Variants in MCM6 observed in about 807,000 individuals in gnomAD.
The protein encoded by MCM6 is DNA replication licensing factor MCM6.
In MCM6, 46 loss-of-function variants were observed where a neutral mutation model predicts 94.3. That is an observed-to-expected ratio of 0.49 (90% CI 0.39 to 0.62). The LOEUF (loss-of-function observed/expected upper bound fraction) is 0.62. MCM6 is among the 20% of genes least tolerant of loss of function. The pLI is 0.00. For synonymous variants in MCM6, 335 were observed against 351.9 expected (o/e 0.95, Z 0.54); for missense variants, 865 against 1,017.9 (o/e 0.85, Z 2.04).
At chr2:135,866,055 C>G (rs1680088752) in intron 6 of MCM6, 77 bp downstream of exon 6, 5 of 1,530,350 alleles carry the variant, frequency 3.3e-6, no homozygotes, top group Non-Finnish European at 3.6e-6. Context: ...TGAGCCATGA[C>G]TTTGCCATTG....
chr2:135,846,304 C>A lies in MCM6; in HGVS notation c.2142G>T (p.Arg714Ser). The change falls in exon 15 of 17, where the codon AGG becomes AGT. Residue 714 changes from arginine to serine, a missense_variant. This residue lies in a region of MCM6 where 308 missense variants were observed against 324.5 expected (regional missense o/e 0.95). Transcript: ENST00000264156. ...TTCGGCAGTACTCAGAGAAGCCCAG[C>A]CTTAAGGAGGCTTTGGGAGCAGACT... ...NQESAPKASLRLGFSEYCRIS... is the reference protein window; with the variant it reads ...NQESAPKASLSLGFSEYCRIS... The A allele has an allele frequency of 6.2e-7, 1 of 1,614,084 alleles. No individual in the cohort carries two copies. Among genetic ancestry groups the A allele is most frequent in the African/African-American group, 1.3e-5 (1 of 75,014 alleles).
intron 15 of MCM6, 42 bp from the exon 16 acceptor site, chr2:135,844,726 A>G: frequency 1.3e-6 from 2 of 1,494,242 alleles, no homozygotes; most frequent in Non-Finnish European, 1.8e-6. Context: ...AGCAACTCGT[A>G]CTGTCAGTCC....
At chr2:135,847,829 TG>T (rs1679700348) in intron 14 of MCM6, among the ~76,000 whole-genome samples, 1 of 152,256 alleles carries the variant, frequency 6.6e-6, no homozygotes, top group Non-Finnish European at 1.5e-5. Flanking sequence ...CCCAAAGTGC[TG>T]GAATTATAGG....
At chr2:135,860,403 G>A (rs557023584) in intron 8 of MCM6, among the ~76,000 whole-genome samples, 1 of 152,176 alleles carries the variant, frequency 6.6e-6, no homozygotes, top group Admixed American at 6.5e-5. Context: ...CAAAGTGCTG[G>A]GATTACAGGC....
chr2:135,856,735 C>T lies in MCM6; in HGVS notation c.1619G>A (p.Cys540Tyr), dbSNP rs1400122974. 5.0e-6 allele frequency: 8 copies of T among 1,613,936 alleles called. No homozygotes were observed. Among genetic ancestry groups the T allele is most frequent in the South Asian group, 1.1e-5 (1 of 91,000 alleles). The change falls in exon 11 of 17, where the codon TGT becomes TAT. Residue 540 changes from cysteine to tyrosine, a missense_variant. Physicochemically the swap from Cys to Tyr is radical, Grantham distance 194. Around this residue, in one of 3 missense-constraint regions of MCM6, gnomAD observed 153 missense variants for 241.5 expected, o/e 0.63. Coordinates refer to ENST00000264156, the MANE Select transcript of MCM6 (RefSeq NM_005915.6). ...FDLFFILVDE[C>Y]NEVTDYAIAR... is the part of the protein sequence containing the mutation. ...GGAAGCTCATGGGGTTACCTCATTA[C>T]ATTCATCCACAAGGATAAAGAAGAG... is the stretch of plus-strand genomic sequence containing the variant.
intron 6 of MCM6, 52 bp from the exon 7 acceptor site, chr2:135,865,215 G>A: frequency 7.8e-7 from 1 of 1,274,750 alleles, no homozygotes; most frequent in South Asian, 2.7e-5. Context: ...AGTCAAAAGA[G>A]CATAAAGGAG....
At chr2:135,847,550 CTTTTA>C (rs1679692360) in intron 14 of MCM6, among the ~76,000 whole-genome samples, 1 of 152,168 alleles carries the variant, frequency 6.6e-6, no homozygotes, top group Non-Finnish European at 1.5e-5. Flanking sequence ...GCTGCCTTTT[CTTTTA>C]GTCTTTCAAA....
chr2:135,870,325 G>A lies in MCM6; in HGVS notation c.291C>T (p.Phe97=), dbSNP rs753567421. The A allele has an allele frequency of 6.2e-6, 10 of 1,613,550 alleles. No homozygotes were observed. The highest frequency in any genetic ancestry group is 4.5e-5 in the East Asian group (2 of 44,880). The change falls in exon 3 of 17, where the codon TTC becomes TTT. Residue 97 remains phenylalanine, a synonymous_variant. Coordinates refer to ENST00000264156, the MANE Select transcript of MCM6 (RefSeq NM_005915.6). ...GAGGGATCTCTTTACGGTCTTTGACGAATGTTTTCAAGGCCCGACACAGGT... is the reference window on the plus strand; with the variant it reads ...GAGGGATCTCTTTACGGTCTTTGACAAATGTTTTCAAGGCCCGACACAGGT... ...YPYLCRALKT[F]VKDRKEIPLA... is the part of the protein sequence containing the mutation.
In MCM6 at chr2:135,839,721, A is replaced by C. The variant is rs1156398946; in HGVS notation, c.*1114T>G. The C allele has an allele frequency of 6.6e-6, 1 of 152,226 alleles. No individual in the cohort carries two copies. The highest frequency in any genetic ancestry group is 6.5e-5 in the Admixed American group (1 of 15,276). The allele number at this position is 152,226 out of a possible 1,614,324, so 9.4% of individuals were successfully genotyped here. On this transcript the variant is annotated 3_prime_UTR_variant, in exon 17 of 17. Coordinates refer to ENST00000264156, the MANE Select transcript of MCM6 (RefSeq NM_005915.6). The stretch of plus-strand genomic sequence containing the variant: ...GGTTTCATACAAGTTGATTCCAGGG[A>C]AAGAGATAATTATTGGGAGAAACAT...
At position 135,866,295 on chromosome 2, in the gene MCM6, G is replaced by C. The variant is rs368686361; in HGVS notation, c.782-18C>G. On this transcript the variant is annotated intron_variant, in intron 5 of 16. Transcript: ENST00000264156. ...ACGTGCTCCTGAAACAGAATGATAG[G>C]TTGTTTCACAACTTAAATATTAAAG... is the stretch of plus-strand genomic sequence containing the variant. The C allele has an allele frequency of 1.2e-5, 19 of 1,612,342 alleles. No individual in the cohort carries two copies. The African/African-American group carries it at 2.3e-4, about 19-fold the overall frequency.
intron 11 of MCM6, among the ~76,000 whole-genome samples, chr2:135,854,980 C>T (rs1306568787): frequency 6.6e-6 from 1 of 151,928 alleles, no homozygotes; most frequent in Non-Finnish European, 1.5e-5. Flanking sequence ...CATGGTGAAA[C>T]CCTGTCTCTA....
chr2:135,856,857 A>T lies in MCM6; in HGVS notation c.1497T>A (p.Ile499=), dbSNP rs1679900463. Residue 499 remains isoleucine (I), a synonymous_variant, in exon 11 of 17, where the codon ATT becomes ATA. Coordinates refer to ENST00000264156, the MANE Select transcript of MCM6 (RefSeq NM_005915.6). ...VKATLNARTS[I]LAAANPISGH... Reference sequence around the variant, plus strand: ...CACTGATTGGGTTTGCTGCTGCCAAAATGGACGTCCGGGCGTTCAGAGTAG... The same window carrying T: ...CACTGATTGGGTTTGCTGCTGCCAATATGGACGTCCGGGCGTTCAGAGTAG... 3 of 1,614,126 alleles carry T rather than the reference A, an allele frequency of 1.9e-6. No homozygotes were observed. The South Asian group carries it at 3.3e-5, about 18-fold the overall frequency.
chr2:135,861,431 C>T (rs897929135), intron 8 of MCM6, among the ~76,000 whole-genome samples: 6 of 152,202 alleles, frequency 3.9e-5, no homozygotes, highest in African/African-American at 1.4e-4. Context: ...ATATACAGCA[C>T]TGAGAACATG....
chr2:135,857,872 C>A, intron 10 of MCM6, 25 bp downstream of exon 10: 1 of 1,584,940 alleles, frequency 6.3e-7, no homozygotes, highest in South Asian at 1.1e-5. Flanking sequence ...GACGATGCAG[C>A]AGAACAGAAG....
chr2:135,845,186 T>C (rs1427838775), intron 15 of MCM6, among the ~76,000 whole-genome samples: 1 of 152,246 alleles, frequency 6.6e-6, no homozygotes, highest in East Asian at 1.9e-4. Context: ...CTGTTTATTT[T>C]AGCAAGGTTC....
intron 9 of MCM6, 125 bp from the exon 10 acceptor site, chr2:135,858,129 G>C: frequency 1.2e-6 from 1 of 811,732 alleles, no homozygotes; most frequent in Non-Finnish European, 2.1e-6. Context: ...GGGCATTTGA[G>C]GTTACAGTGA....
chr2:135,866,832 T>C, intron 4 of MCM6, 104 bp from the exon 5 acceptor site: 3 of 958,730 alleles, frequency 3.1e-6, no homozygotes, highest in South Asian at 1.8e-5. Context: ...CTAAACTATC[T>C]GACCCATTAG....
At chr2:135,874,981 T>C (rs964329301) in intron 1 of MCM6, among the ~76,000 whole-genome samples, 1 of 152,144 alleles carries the variant, frequency 6.6e-6, no homozygotes, top group Admixed American at 6.5e-5. Context: ...AAACTCATAA[T>C]GAAAGGAAGC....
In MCM6 at chr2:135,841,777, T is replaced by C. The variant is rs4988277; in HGVS notation, c.2350-826A>G. Reference sequence around the variant, plus strand: ...ACAGTATAAGCTCTCTAGTTTTCTGTAGCAAATTAGTTCAGGTGGTAAGCC... The same window carrying C: ...ACAGTATAAGCTCTCTAGTTTTCTGCAGCAAATTAGTTCAGGTGGTAAGCC... On this transcript the variant is annotated intron_variant, in intron 16 of 16. Transcript: ENST00000264156. Among the ~76,000 whole-genome samples the C allele has an allele frequency of 2.6e-3, 389 of 152,312 alleles. 1 individual carries two copies. Among genetic ancestry groups the C allele is most frequent in the African/African-American group, 8.5e-3 (352 of 41,574 alleles).
Sources: allele counts gnomAD v4.1 joint callset (sites outside exome capture counted in the v4.1 genomes callset), GRCh38; gene constraint gnomAD v4.1.1; regional missense constraint gnomAD v4.1.1; transcripts MANE v1.5; gene names NCBI Gene and HGNC (gene_info 2026-07-23, HGNC 2026-07-21).